ZFAND3: variants seen among roughly 807,000 people sequenced by gnomAD.
ZFAND3 encodes AN1-type zinc finger protein 3.
Under a neutral mutation model 29.6 loss-of-function variants are expected in ZFAND3, and 10 were observed. The observed-to-expected ratio is 0.34, with a 90% CI of 0.21 to 0.57. The LOEUF (loss-of-function observed/expected upper bound fraction) is 0.57, where lower values mean the gene tolerates loss of function less well. Ranked by LOEUF, ZFAND3 falls within the 20% of genes least tolerant of loss-of-function variation. ZFAND3 has a pLI of 0.86. For synonymous variants in ZFAND3, 128 were observed against 112.6 expected (o/e 1.14, Z -0.87); for missense variants, 230 against 304.5 (o/e 0.76, Z 1.82).
intron 5 of ZFAND3, among the ~76,000 whole-genome samples, chr6:38,144,040 A>T (rs1420345976): frequency 6.6e-6 from 1 of 151,584 alleles, no homozygotes; most frequent in Non-Finnish European, 1.5e-5. Flanking sequence ...TGGTGGGAGT[A>T]TAAATGGCTA....
chr6:38,048,774 C>T (rs974279310), intron 2 of ZFAND3, among the ~76,000 whole-genome samples: 5 of 152,010 alleles, frequency 3.3e-5, no homozygotes, highest in Admixed American at 6.5e-5. Flanking sequence ...TTCTAAGTAG[C>T]TTAGGCAGGA....
intron 4 of ZFAND3, among the ~76,000 whole-genome samples, chr6:38,097,922 C>A (rs151193167): frequency 7.9e-5 from 12 of 152,298 alleles, no homozygotes; most frequent in Non-Finnish European, 1.8e-4. Context: ...GAGGGAGAGC[C>A]ATAGCAGCCC....
chr6:38,100,204 C>T (rs970573224), intron 4 of ZFAND3, among the ~76,000 whole-genome samples: 7 of 152,102 alleles, frequency 4.6e-5, no homozygotes, highest in African/African-American at 1.7e-4. Flanking sequence ...GCTGGGACTA[C>T]AAGCACACAC....
intron 2 of ZFAND3, among the ~76,000 whole-genome samples, chr6:38,036,657 A>G (rs969582402): frequency 2.6e-5 from 4 of 152,256 alleles, no homozygotes; most frequent in African/African-American, 7.2e-5. Flanking sequence ...GAGATTATCA[A>G]TAAAGAGATT....
chr6:38,076,038 C>T (rs762417192), intron 3 of ZFAND3, among the ~76,000 whole-genome samples: 8 of 152,080 alleles, frequency 5.3e-5, no homozygotes, highest in Non-Finnish European at 7.4e-5. Flanking sequence ...AGATGTGAGC[C>T]ACCGATCCCG....
intron 2 of ZFAND3, among the ~76,000 whole-genome samples, chr6:38,030,060 A>ATG (rs1380081033): frequency 4.1e-3 from 28 of 6,800 alleles, no homozygotes; most frequent in African/African-American, 8.7e-3. Flanking sequence ...GGATATATAT[A>ATG]TATATATATA....
At chr6:37,842,760 A>G (rs938441720) in intron 1 of ZFAND3, among the ~76,000 whole-genome samples, 1 of 152,180 alleles carries the variant, frequency 6.6e-6, no homozygotes, top group East Asian at 1.9e-4. Context: ...CCCTGGCCCT[A>G]TGAGCATCCC....
At chr6:37,885,119 A>G (rs959974278) in intron 1 of ZFAND3, among the ~76,000 whole-genome samples, 7 of 152,192 alleles carry the variant, frequency 4.6e-5, no homozygotes, top group African/African-American at 7.2e-5. Context: ...CTGGTGGCCA[A>G]TCATCTTTTG....
intron 1 of ZFAND3, among the ~76,000 whole-genome samples, chr6:37,886,840 C>A (rs1399262712): frequency 6.6e-6 from 1 of 152,046 alleles, no homozygotes; most frequent in Admixed American, 6.6e-5. Context: ...ACTAAAAAAA[C>A]AAAAAACCCC....
At chr6:37,870,291 T>TCAAA (rs1234461264) in intron 1 of ZFAND3, among the ~76,000 whole-genome samples, 300 of 17,522 alleles carry the variant, frequency 0.017, 11 homozygotes, top group African/African-American at 0.03. Context: ...CGAGACTGTC[T>TCAAA]CAAAAAAAAA....
intron 1 of ZFAND3, among the ~76,000 whole-genome samples, chr6:37,880,899 A>G (rs900528341): frequency 4.7e-5 from 7 of 149,900 alleles, no homozygotes; most frequent in Non-Finnish European, 1.0e-4. Context: ...ATTGGGAGAT[A>G]TACCTAATGA....
At chr6:38,019,215 C>T (rs1342931806) in intron 2 of ZFAND3, among the ~76,000 whole-genome samples, 1 of 152,192 alleles carries the variant, frequency 6.6e-6, no homozygotes, top group Admixed American at 6.5e-5. Context: ...ACCTCGGCCT[C>T]CCAAAGTGCT....
chr6:37,934,529 TAAA>T (rs34477813), intron 2 of ZFAND3, among the ~76,000 whole-genome samples: 3 of 125,340 alleles, frequency 2.4e-5, no homozygotes, highest in East Asian at 2.3e-4. Flanking sequence ...TTAGTCTATT[TAAA>T]AAAAAAAAAA....
chr6:37,832,242 G>A (rs1763876341), intron 1 of ZFAND3, among the ~76,000 whole-genome samples: 4 of 152,196 alleles, frequency 2.6e-5, no homozygotes, highest in Admixed American at 2.6e-4. Context: ...GGGGGCTTAA[G>A]TTTAAGAGCA....
At chr6:37,992,215 AC>A (rs1554165392) in intron 2 of ZFAND3, among the ~76,000 whole-genome samples, 1 of 152,190 alleles carries the variant, frequency 6.6e-6, no homozygotes, top group Non-Finnish European at 1.5e-5. Flanking sequence ...TCCTATGCTT[AC>A]AAAAAAAGGA....
chr6:38,128,482 C>G (rs562852496), intron 5 of ZFAND3, among the ~76,000 whole-genome samples: 4 of 152,304 alleles, frequency 2.6e-5, no homozygotes, highest in South Asian at 2.1e-4. Flanking sequence ...TCCCTCACCC[C>G]CTTCCCACCC....
intron 3 of ZFAND3, among the ~76,000 whole-genome samples, chr6:38,075,658 A>G (rs1026612191): frequency 1.3e-5 from 2 of 152,222 alleles, no homozygotes; most frequent in Non-Finnish European, 2.9e-5. Flanking sequence ...ATTGACTCCA[A>G]TTTTAAAGAA....
chr6:37,829,970 C>T (rs908494592), intron 1 of ZFAND3, among the ~76,000 whole-genome samples: 2 of 152,078 alleles, frequency 1.3e-5, no homozygotes, highest in African/African-American at 4.8e-5. Flanking sequence ...AGTGTATGTC[C>T]CTACAAACTG....
chr6:38,023,994 C>T (rs1020940794), intron 2 of ZFAND3, among the ~76,000 whole-genome samples: 7 of 152,006 alleles, frequency 4.6e-5, no homozygotes, highest in African/African-American at 1.4e-4. Context: ...ATAACCACTG[C>T]ACACCAACCT....
Sources: gnomAD v4.1 joint callset for allele counts (sites outside exome capture counted in the v4.1 genomes callset) on GRCh38, gnomAD v4.1.1 for gene constraint, MANE v1.5 for transcripts, NCBI Gene and HGNC (gene_info 2026-07-23, HGNC 2026-07-21) for gene names.